Variants in OSTN observed in about 807,000 individuals in gnomAD.
OSTN encodes osteocrin.
In OSTN, 9 loss-of-function variants were observed where a neutral mutation model predicts 12.0. The ratio of observed to expected loss-of-function variants is 0.75; its 90% CI spans 0.45 to 1.30. OSTN has a LOEUF of 1.30. OSTN is among the 50% of genes most tolerant of loss of function. The probability of loss-of-function intolerance (pLI) is 0.00; values close to 1 mark genes in which losing one functional copy is unlikely to be tolerated. For missense variants in OSTN, 148 were observed against 152.3 expected (o/e 0.97, Z 0.15); for synonymous variants, 59 against 56.9 (o/e 1.04, Z -0.16).
rs1007977870 is a variant in OSTN at position 191,232,854 on chromosome 3, A to G, written c.317+13893A>G. Among the ~76,000 whole-genome samples the G allele has an allele frequency of 2.0e-5, 3 of 152,064 alleles. No individual in the cohort carries two copies. In the South Asian group the frequency reaches 6.2e-4, roughly 32 times the overall value. On this transcript the variant is annotated intron_variant, in intron 3 of 4. Transcript: ENST00000682035. ...GGTCTCGAGCTCCTGGCCTCAAGTG[A>G]TCTGCCCACCTCTGCCTTTCAGAGT...
chr3:191,229,065 A>G (rs1219452043), intron 3 of OSTN, among the ~76,000 whole-genome samples: 2 of 152,216 alleles, frequency 1.3e-5, no homozygotes, highest in African/African-American at 4.8e-5. Flanking sequence ...AGGAAATGTG[A>G]AAGACAGAAA....
chr3:191,237,853 G>T (rs1046949168), intron 3 of OSTN, among the ~76,000 whole-genome samples: 1 of 152,104 alleles, frequency 6.6e-6, no homozygotes, highest in African/African-American at 2.4e-5. Context: ...GGGATGTGGG[G>T]GCCCTCTTCT....
chr3:191,240,480 C>A (rs1002612568), intron 3 of OSTN, among the ~76,000 whole-genome samples: 1 of 152,210 alleles, frequency 6.6e-6, no homozygotes, highest in East Asian at 1.9e-4. Context: ...CTCACGGAAT[C>A]TCAGAGCACT....
At chr3:191,221,396 A>G (rs1381334038) in intron 3 of OSTN, among the ~76,000 whole-genome samples, 1 of 152,174 alleles carries the variant, frequency 6.6e-6, no homozygotes, top group Non-Finnish European at 1.5e-5. Context: ...AGAAGATAGG[A>G]TAATATGGGA....
rs372681131 is a variant in OSTN at position 191,232,601 on chromosome 3, C to CTT, written c.317+13640_317+13641insTT. On this transcript the variant is annotated intron_variant, in intron 3 of 4. Coordinates refer to ENST00000682035, the MANE Select transcript of OSTN (RefSeq NM_198184.2). ...CTAGGCTGAAGGGCAGTGACTAAAT[C>CTT]ATTTTTTTTTTTTTTTGAGACGCAG... is the stretch of plus-strand genomic sequence containing the variant. 5.1e-4 allele frequency among the ~76,000 whole-genome samples: 68 copies of CTT among 134,298 alleles called. 1 individual carries two copies. The South Asian group carries it at 6.6e-3, about 13-fold the overall frequency. The allele number at this position is 134,298 out of a possible 152,430, so 88.1% of individuals were successfully genotyped here.
chr3:191,257,402 A>T (rs1044584999), intron 4 of OSTN, among the ~76,000 whole-genome samples: 4 of 152,134 alleles, frequency 2.6e-5, no homozygotes, highest in African/African-American at 9.7e-5. Flanking sequence ...TTAATTACAT[A>T]TCAGATGCAG....
intron 1 of OSTN, among the ~76,000 whole-genome samples, chr3:191,201,681 A>G (rs1714155782): frequency 6.6e-6 from 1 of 152,144 alleles, no homozygotes; most frequent in African/African-American, 2.4e-5. Flanking sequence ...ATAACTCTCT[A>G]GAGTGAAATT....
chr3:191,215,746 G>T (rs2108592649), intron 2 of OSTN, among the ~76,000 whole-genome samples: 1 of 152,330 alleles, frequency 6.6e-6, no homozygotes, highest in South Asian at 2.1e-4. Flanking sequence ...CAAGAGGTAG[G>T]TTCCCATGGT....
chr3:191,240,563 T>C (rs1392779811), intron 3 of OSTN, among the ~76,000 whole-genome samples: 1 of 152,230 alleles, frequency 6.6e-6, no homozygotes, highest in African/African-American at 2.4e-5. Flanking sequence ...AACATTTTTG[T>C]TCTCACACAC....
At chr3:191,233,006 T>C (rs995636155) in intron 3 of OSTN, among the ~76,000 whole-genome samples, 1 of 152,156 alleles carries the variant, frequency 6.6e-6, no homozygotes, top group Non-Finnish European at 1.5e-5. Flanking sequence ...TATTGCTCCA[T>C]AATCCCAGAT....
chr3:191,253,353 G>T (rs1715604425), intron 4 of OSTN, among the ~76,000 whole-genome samples: 1 of 152,174 alleles, frequency 6.6e-6, no homozygotes, highest in Non-Finnish European at 1.5e-5. Context: ...GCTGCTCTAT[G>T]ATGCCTACTA....
At chr3:191,224,451 T>C (rs1714858527) in intron 3 of OSTN, among the ~76,000 whole-genome samples, 2 of 92,878 alleles carry the variant, frequency 2.2e-5, no homozygotes, top group African/African-American at 4.2e-5. Context: ...AGACCGATTA[T>C]ATATTCAAAA....
intron 3 of OSTN, among the ~76,000 whole-genome samples, chr3:191,235,635 T>A (rs1266268565): frequency 6.6e-6 from 1 of 152,214 alleles, no homozygotes; most frequent in Non-Finnish European, 1.5e-5. Flanking sequence ...CTGGCAGATC[T>A]GCTATGCCCC....
chr3:191,232,310 G>A lies in OSTN; in HGVS notation c.317+13349G>A, dbSNP rs552967249. Among the ~76,000 whole-genome samples, 420 of 139,142 alleles carry A rather than the reference G, an allele frequency of 3.0e-3. 1 individual carries two copies. The highest frequency in any genetic ancestry group is 4.8e-3 in the Non-Finnish European group (316 of 66,374). The allele number at this position is 139,142 out of a possible 152,430, so 91.3% of individuals were successfully genotyped here. A position where few individuals can be genotyped will look rare whatever the true frequency, so the allele number is the denominator to read the frequency against. ...ATTGTGCCACAGCACTCCAGCCTGGGTGACAGAGGGAGACTCTGTCTAAAA... is the reference window on the plus strand; with the variant it reads ...ATTGTGCCACAGCACTCCAGCCTGGATGACAGAGGGAGACTCTGTCTAAAA... On this transcript the variant is annotated intron_variant, in intron 3 of 4. Transcript: ENST00000682035.
chr3:191,261,604 T>TTA (rs1715812288), intron 4 of OSTN, among the ~76,000 whole-genome samples: 1 of 152,158 alleles, frequency 6.6e-6, no homozygotes, highest in South Asian at 2.1e-4. Context: ...AAAAACAGCT[T>TTA]TATGGAGCCA....
chr3:191,201,642 T>A (rs989136381), intron 1 of OSTN, among the ~76,000 whole-genome samples: 2 of 152,180 alleles, frequency 1.3e-5, no homozygotes, highest in Non-Finnish European at 2.9e-5. Flanking sequence ...ATAATGATAA[T>A]GCACCAAATG....
intron 1 of OSTN, among the ~76,000 whole-genome samples, chr3:191,208,092 C>A (rs1428510377): frequency 2.0e-5 from 3 of 152,128 alleles, no homozygotes; most frequent in Admixed American, 2.0e-4. Flanking sequence ...TTTGAAACTC[C>A]ACACTATCCA....
intron 3 of OSTN, among the ~76,000 whole-genome samples, chr3:191,225,986 A>T (rs1248230912): frequency 2.0e-5 from 3 of 152,316 alleles, no homozygotes; most frequent in South Asian, 2.1e-4. Flanking sequence ...AATATTTTTT[A>T]AAAATACTTT....
chr3:191,222,724 C>T (rs1317667273), intron 3 of OSTN, among the ~76,000 whole-genome samples: 1 of 152,046 alleles, frequency 6.6e-6, no homozygotes, highest in African/African-American at 2.4e-5. Flanking sequence ...TTGTCTGTGT[C>T]CCCATCCAAA....
Sources: gnomAD v4.1 joint callset for allele counts (sites outside exome capture counted in the v4.1 genomes callset) on GRCh38, gnomAD v4.1.1 for gene constraint, MANE v1.5 for transcripts, NCBI Gene and HGNC (gene_info 2026-07-23, HGNC 2026-07-21) for gene names.